The following ZNF385D variants were observed in gnomAD, a reference collection of about 807,000 sequenced individuals.
The protein encoded by ZNF385D is zinc finger protein 659.
ZNF385D carries 15 observed loss-of-function variants against 35.8 expected under a neutral mutation model. The observed-to-expected ratio is 0.42, with a 90% CI of 0.28 to 0.64. ZNF385D has a LOEUF of 0.64. Ranked by LOEUF, ZNF385D falls within the 30% of genes least tolerant of loss-of-function variation. The probability of loss-of-function intolerance (pLI) is 0.23; values close to 1 mark genes in which losing one functional copy is unlikely to be tolerated. For missense variants in ZNF385D, 474 were observed against 494.6 expected, an observed-to-expected ratio of 0.96 and a Z score of 0.39; for synonymous variants, 212 against 186.8, an observed-to-expected ratio of 1.13 and a Z score of -1.10.
chr3:21,869,528 A>T (rs935048846), intron 3 of ZNF385D, among the ~76,000 whole-genome samples: 3 of 152,106 alleles, frequency 2.0e-5, no homozygotes, highest in Non-Finnish European at 2.9e-5. Flanking sequence ...AGTAAAGCCC[A>T]CTAAGTTGAA....
At chr3:21,872,516 G>T (rs1697747676) in intron 3 of ZNF385D, among the ~76,000 whole-genome samples, 1 of 152,124 alleles carries the variant, frequency 6.6e-6, no homozygotes, top group African/African-American at 2.4e-5. Flanking sequence ...CATTCCTGGT[G>T]ACAGGAGTTT....
intron 4 of ZNF385D, among the ~76,000 whole-genome samples, chr3:21,486,097 A>G (rs1705013361): frequency 7.3e-6 from 1 of 137,866 alleles, no homozygotes; most frequent in Admixed American, 7.7e-5. Context: ...TATAGCTGCC[A>G]ATTTAGAAGT....
intron 2 of ZNF385D, among the ~76,000 whole-genome samples, chr3:22,362,071 G>A (rs1696435087): frequency 6.6e-6 from 1 of 151,120 alleles, no homozygotes; most frequent in African/African-American, 2.4e-5. Flanking sequence ...TATGCTATTT[G>A]GTTTTTTCAA....
intron 3 of ZNF385D, among the ~76,000 whole-genome samples, chr3:21,809,647 TATACATATACATATATACACATATATAC>T: frequency 6.9e-6 from 1 of 144,118 alleles, no homozygotes; most frequent in South Asian, 2.2e-4. Flanking sequence ...CACATATACA[TATACATATACATATATACACATATATAC>T]ACACATATAT....
intron 3 of ZNF385D, among the ~76,000 whole-genome samples, chr3:22,102,392 G>C (rs944588704): frequency 3.9e-5 from 6 of 152,056 alleles, no homozygotes; most frequent in Non-Finnish European, 8.8e-5. Flanking sequence ...GATAGTAAGA[G>C]TTAAAATATG....
At chr3:22,132,205 G>A (rs897373603) in intron 3 of ZNF385D, among the ~76,000 whole-genome samples, 1 of 152,084 alleles carries the variant, frequency 6.6e-6, no homozygotes, top group Admixed American at 6.6e-5. Context: ...CACAAGGGTA[G>A]AACCCTAATG....
chr3:22,116,765 A>G (rs902752767), intron 3 of ZNF385D, among the ~76,000 whole-genome samples: 1 of 152,086 alleles, frequency 6.6e-6, no homozygotes, highest in Non-Finnish European at 1.5e-5. Context: ...AGCCTAGCAT[A>G]TATAGTGACA....
chr3:21,852,566 T>C (rs1696449195), intron 3 of ZNF385D, among the ~76,000 whole-genome samples: 1 of 151,952 alleles, frequency 6.6e-6, no homozygotes, highest in Admixed American at 6.6e-5. Flanking sequence ...ATCAAAAGAA[T>C]TCTGAAAAAA....
intron 3 of ZNF385D, among the ~76,000 whole-genome samples, chr3:22,096,548 A>C (rs1285008404): frequency 6.6e-6 from 1 of 152,054 alleles, no homozygotes; most frequent in Non-Finnish European, 1.5e-5. Context: ...CGAATACTTG[A>C]GACTTTCTTG....
At chr3:22,214,898 G>C (rs2638130) in intron 2 of ZNF385D, among the ~76,000 whole-genome samples, 87,616 of 151,708 alleles carry the variant, frequency 0.58, 26,650 homozygotes, top group African/African-American at 0.76. Context: ...AGCACGTGAT[G>C]TCTGTGACCC....
At chr3:22,103,940 A>T (rs1702072116) in intron 3 of ZNF385D, among the ~76,000 whole-genome samples, 1 of 152,138 alleles carries the variant, frequency 6.6e-6, no homozygotes, top group Non-Finnish European at 1.5e-5. Context: ...ATTTAATAGG[A>T]AAATCAGTCT....
At chr3:21,988,999 G>C (rs369886308) in intron 3 of ZNF385D, among the ~76,000 whole-genome samples, 1 of 152,054 alleles carries the variant, frequency 6.6e-6, no homozygotes. Flanking sequence ...GCAATGCCTC[G>C]CCCTGCTTCG....
chr3:21,824,839 G>A (rs1323739867), intron 3 of ZNF385D, among the ~76,000 whole-genome samples: 2 of 152,152 alleles, frequency 1.3e-5, no homozygotes, highest in East Asian at 1.9e-4. Context: ...CTTGATGACT[G>A]TTTTTACACC....
intron 4 of ZNF385D, among the ~76,000 whole-genome samples, chr3:21,458,813 G>T (rs943677153): frequency 3.7e-5 from 5 of 135,764 alleles, no homozygotes; most frequent in Non-Finnish European, 6.6e-5. Context: ...ATAATGCGGG[G>T]TGGGGGGGCG....
chr3:22,049,036 C>T (rs1003764102), intron 3 of ZNF385D, among the ~76,000 whole-genome samples: 1 of 152,000 alleles, frequency 6.6e-6, no homozygotes, highest in Admixed American at 6.6e-5. Flanking sequence ...GTGGCTCAGG[C>T]CTGTAATCCC....
chr3:22,016,564 A>G (rs1344928873), intron 3 of ZNF385D, among the ~76,000 whole-genome samples: 1 of 152,022 alleles, frequency 6.6e-6, no homozygotes, highest in African/African-American at 2.4e-5. Flanking sequence ...AGGGGAGAGT[A>G]TTTCAGAACG....
intron 3 of ZNF385D, among the ~76,000 whole-genome samples, chr3:21,765,232 G>C (rs1288879781): frequency 6.6e-6 from 1 of 152,060 alleles, no homozygotes; most frequent in Non-Finnish European, 1.5e-5. Flanking sequence ...GAGAGAGAGA[G>C]AGAGAGCATT....
intron 3 of ZNF385D, among the ~76,000 whole-genome samples, chr3:22,027,102 A>G (rs1697605415): frequency 6.6e-6 from 1 of 152,218 alleles, no homozygotes; most frequent in South Asian, 2.1e-4. Context: ...GTGCAGCAAT[A>G]TACCTTTACT....
chr3:22,185,849 G>C (rs1405042273), intron 2 of ZNF385D, among the ~76,000 whole-genome samples: 1 of 152,162 alleles, frequency 6.6e-6, no homozygotes, highest in Non-Finnish European at 1.5e-5. Context: ...TCTGAAATCT[G>C]TGCAGATAAA....
Sources: allele counts gnomAD v4.1 joint callset (sites outside exome capture counted in the v4.1 genomes callset), GRCh38; gene constraint gnomAD v4.1.1; transcripts MANE v1.5; gene names NCBI Gene and HGNC (gene_info 2026-07-23, HGNC 2026-07-21).